FTO: variants seen among roughly 807,000 people sequenced by gnomAD.
The protein encoded by FTO is FTO alpha-ketoglutarate dependent dioxygenase.
FTO carries 47 observed loss-of-function variants against 63.9 expected under a neutral mutation model. The ratio of observed to expected loss-of-function variants is 0.74; its 90% CI spans 0.58 to 0.94. FTO has a LOEUF of 0.94. Among genes scored for constraint, FTO ranks in the 40% least tolerant of loss-of-function variants. The pLI is 0.00. For missense variants in FTO, 562 were observed against 618.1 expected (o/e 0.91, Z 0.96); for synonymous variants, 207 against 224.4 (o/e 0.92, Z 0.69).
upstream of FTO, chr16:53,704,048 G>C (rs886052100): frequency 1.3e-5 from 12 of 928,154 alleles, no homozygotes; most frequent in East Asian, 2.9e-4. Context: ...TGCATCCTGG[G>C]AGTTGTAGTT....
intron 5 of FTO, among the ~76,000 whole-genome samples, chr16:53,876,517 A>G (rs1038887294): frequency 4.6e-5 from 7 of 152,236 alleles, no homozygotes; most frequent in Non-Finnish European, 8.8e-5. Flanking sequence ...ATGGGAGAAA[A>G]TATCTGCAAA....
chr16:54,063,767 T>A (rs1403282765), intron 8 of FTO: 1 of 151,352 alleles, frequency 6.6e-6, no homozygotes, highest in Non-Finnish European at 1.5e-5. Flanking sequence ...ATCCAAAGGT[T>A]TCACACAGGA....
chr16:53,825,118 G>A (rs766537104), intron 2 of FTO, among the ~76,000 whole-genome samples: 4 of 152,128 alleles, frequency 2.6e-5, no homozygotes, highest in African/African-American at 7.2e-5. Context: ...ACCATTTACT[G>A]AGTAAATTCT....
At chr16:53,916,253 T>A (rs1339721406) in intron 7 of FTO, among the ~76,000 whole-genome samples, 2 of 152,120 alleles carry the variant, frequency 1.3e-5, no homozygotes, top group African/African-American at 2.4e-5. Context: ...AAAGATGAGT[T>A]AAGGGGCAAA....
At chr16:54,076,032 C>T (rs897658985) in intron 8 of FTO, among the ~76,000 whole-genome samples, 8 of 152,078 alleles carry the variant, frequency 5.3e-5, no homozygotes, top group East Asian at 3.9e-4. Flanking sequence ...AGGCTTGGGA[C>T]GGTTAATGAC....
chr16:53,834,755 A>G (rs187305531), intron 3 of FTO, among the ~76,000 whole-genome samples: 2 of 152,312 alleles, frequency 1.3e-5, no homozygotes, highest in Admixed American at 1.3e-4. Context: ...TCCACAGGCA[A>G]TCATTTCTAC....
At chr16:53,792,296 G>A (rs896401827) in intron 1 of FTO, among the ~76,000 whole-genome samples, 1 of 152,142 alleles carries the variant, frequency 6.6e-6, no homozygotes, top group Non-Finnish European at 1.5e-5. Context: ...GTAGCTAAGG[G>A]ATTTTTGTTG....
At chr16:54,002,438 G>A (rs1399913415) in intron 8 of FTO, among the ~76,000 whole-genome samples, 3 of 152,218 alleles carry the variant, frequency 2.0e-5, no homozygotes, top group African/African-American at 4.8e-5. Context: ...CTTATTGTAC[G>A]AGGTAACTCC....
rs66611114 is a variant in FTO at position 53,795,449 on chromosome 16, T to TTG, written c.46-14674_46-14673dup. On this transcript the variant is annotated intron_variant, in intron 1 of 8. Coordinates refer to ENST00000471389, the MANE Select transcript of FTO (RefSeq NM_001080432.3). ...ATGACACCAGACCCTGCTAATACAT[T>TTG]TGTGTGTGTGTGTGTGTGCGTGCGT... 5.5e-4 allele frequency among the ~76,000 whole-genome samples: 83 copies of TTG among 149,706 alleles called. 1 individual carries two copies. The highest frequency in any genetic ancestry group is 2.0e-3 in the East Asian group (10 of 5,108).
At chr16:53,764,611 G>A (rs8047395) in intron 1 of FTO, among the ~76,000 whole-genome samples, 86,344 of 151,982 alleles carry the variant, frequency 0.57, 25,054 homozygotes, top group African/African-American at 0.69. Flanking sequence ...GAGCATGTGC[G>A]AACTTGAGAA....
chr16:54,080,125 G>A (rs1409203282), intron 8 of FTO, among the ~76,000 whole-genome samples: 20 of 152,030 alleles, frequency 1.3e-4, no homozygotes, highest in African/African-American at 4.6e-4. Context: ...GGTGGCTCAC[G>A]TCTGTAATCC....
At chr16:53,817,460 G>A (rs2078728199) in intron 2 of FTO, among the ~76,000 whole-genome samples, 1 of 152,182 alleles carries the variant, frequency 6.6e-6, no homozygotes, top group Non-Finnish European at 1.5e-5. Flanking sequence ...GTGCAAAATA[G>A]AAAGTGTTAG....
chr16:54,070,888 TACA>T (rs1269756417), intron 8 of FTO: 2 of 152,214 alleles, frequency 1.3e-5, no homozygotes, highest in Admixed American at 6.5e-5. Flanking sequence ...ACAGGAATTG[TACA>T]ACAACTAATT....
chr16:53,895,534 G>A (rs528876974), intron 7 of FTO, among the ~76,000 whole-genome samples: 9 of 152,168 alleles, frequency 5.9e-5, no homozygotes, highest in Admixed American at 2.0e-4. Flanking sequence ...CAGAAAAAAG[G>A]GATACTTATG....
At chr16:54,063,131 G>A (rs1342097818) in intron 8 of FTO, among the ~76,000 whole-genome samples, 2 of 152,128 alleles carry the variant, frequency 1.3e-5, no homozygotes, top group Non-Finnish European at 2.9e-5. Context: ...GTAAGTTCAG[G>A]CACATTTGGT....
intron 8 of FTO, among the ~76,000 whole-genome samples, chr16:53,972,701 C>T (rs1243582181): frequency 6.6e-6 from 1 of 152,182 alleles, no homozygotes; most frequent in Non-Finnish European, 1.5e-5. Flanking sequence ...GCTGTGCATA[C>T]TGCCTACATT....
At chr16:53,726,542 C>T (rs140063862) in intron 1 of FTO, among the ~76,000 whole-genome samples, 97 of 152,148 alleles carry the variant, frequency 6.4e-4, no homozygotes, top group African/African-American at 2.1e-3. Flanking sequence ...TTATGCTTAA[C>T]GGTATACTTT....
rs2086989723 is a variant in FTO, at chr16:54,118,925, C to CAATTT, written c.*7012_*7016dup. ...ATTATTATTATTCGTTTTGTGAAAC[C>CAATTT]AATTTAGTTTGGCTGGGTAATGGAA... is the stretch of plus-strand genomic sequence containing the variant. On this transcript the variant is annotated 3_prime_UTR_variant, in exon 9 of 9. Transcript: ENST00000471389. The CAATTT allele has an allele frequency of 6.6e-6, 1 of 152,142 alleles. No individual in the cohort carries two copies. The highest frequency in any genetic ancestry group is 1.5e-5 in the Non-Finnish European group (1 of 68,048). 9.4% of individuals were successfully genotyped at this position (152,142 alleles called of 1,614,324 possible).
At chr16:53,806,312 T>G (rs2078365782) in intron 1 of FTO, among the ~76,000 whole-genome samples, 1 of 152,196 alleles carries the variant, frequency 6.6e-6, no homozygotes, top group African/African-American at 2.4e-5. Flanking sequence ...TGGTAATAGG[T>G]AAGACGTTTA....
Sources: allele counts gnomAD v4.1 joint callset (sites outside exome capture counted in the v4.1 genomes callset), GRCh38; gene constraint gnomAD v4.1.1; transcripts MANE v1.5; gene names NCBI Gene and HGNC (gene_info 2026-07-23, HGNC 2026-07-21).